ATAD2: variants seen among roughly 807,000 people sequenced by gnomAD.
ATAD2 encodes the protein ATPase family AAA domain-containing protein 2.
A neutral mutation model predicts 168.9 loss-of-function variants in ATAD2; 62 were observed. The observed-to-expected ratio is 0.37, with a 90% CI of 0.30 to 0.45. ATAD2 has a LOEUF of 0.45. ATAD2 is among the 20% of genes least tolerant of loss of function. ATAD2 has a pLI of 1.00. For missense variants in ATAD2, 1,419 were observed against 1,667.8 expected (o/e 0.85, Z 2.60); for synonymous variants, 613 against 571.6 (o/e 1.07, Z -1.03).
intron 1 of ATAD2, among the ~76,000 whole-genome samples, chr8:123,408,051 T>G (rs547599292): frequency 6.6e-6 from 1 of 152,332 alleles, no homozygotes; most frequent in African/African-American, 2.4e-5. Context: ...AAACATTAAT[T>G]TGGACTGGGA....
chr8:123,377,041 C>T (rs1416502091), intron 2 of ATAD2, among the ~76,000 whole-genome samples: 1 of 141,768 alleles, frequency 7.1e-6, no homozygotes, highest in Non-Finnish European at 1.5e-5. Context: ...CAGTGAGCCA[C>T]GATTGCGCCA....
At chr8:123,404,843 C>A (rs572978042) in intron 1 of ATAD2, among the ~76,000 whole-genome samples, 13 of 152,246 alleles carry the variant, frequency 8.5e-5, no homozygotes, top group Admixed American at 7.2e-4. Flanking sequence ...CCCAGCCCCC[C>A]CTTTCTCTCA....
At chr8:123,324,978 G>A (rs1827568979) in intron 26 of ATAD2, among the ~76,000 whole-genome samples, 1 of 151,924 alleles carries the variant, frequency 6.6e-6, no homozygotes, top group Non-Finnish European at 1.5e-5. Flanking sequence ...GGGAGGCTGA[G>A]GTGGGAGGAT....
chr8:123,358,621 C>T (rs997817400), intron 11 of ATAD2, among the ~76,000 whole-genome samples: 2 of 151,722 alleles, frequency 1.3e-5, no homozygotes, highest in Non-Finnish European at 2.9e-5. Flanking sequence ...GCTGGGATTA[C>T]AGGCATAAGC....
chr8:123,342,631 TTAAC>T (rs1462579006), intron 19 of ATAD2: 1 of 152,208 alleles, frequency 6.6e-6, no homozygotes, highest in African/African-American at 2.4e-5. Context: ...AACTAGATAA[TTAAC>T]TAAACTGGAA....
intron 1 of ATAD2, among the ~76,000 whole-genome samples, chr8:123,395,566 CAA>C (rs1172069137): frequency 2.0e-5 from 3 of 152,192 alleles, no homozygotes; most frequent in African/African-American, 7.2e-5. Flanking sequence ...CTTCATCTGT[CAA>C]AGAGATAGCA....
chr8:123,384,446 T>C (rs1190656064), intron 1 of ATAD2, among the ~76,000 whole-genome samples: 2 of 152,236 alleles, frequency 1.3e-5, no homozygotes. Flanking sequence ...AGATTTTTCA[T>C]GGTCATTGAT....
At chr8:123,400,341 C>T (rs1038560428), upstream of ATAD2, among the ~76,000 whole-genome samples, 2 of 152,256 alleles carry the variant, frequency 1.3e-5, no homozygotes, top group East Asian at 1.9e-4. The surrounding 1 kb of genome is among the most constrained non-coding windows in gnomAD (Gnocchi z 4.5). Flanking sequence ...GCTTCCAGAA[C>T]TTCAAAGATA....
Position 123,334,184 on chromosome 8 carries a change from C to G in ATAD2, c.3334+16G>C. 6.4e-7 allele frequency: 1 copy of G among 1,568,688 alleles called. No individual in the cohort carries two copies. The highest frequency in any genetic ancestry group is 8.6e-7 in the Non-Finnish European group (1 of 1,164,716). On this transcript the variant is annotated intron_variant, in intron 23 of 27. Transcript: ENST00000287394. ...TAATATTAGGTTGGTACAAATCAACCAAATCACTTTCCTACCTCTTTTCTT... is the reference window on the plus strand; with the variant it reads ...TAATATTAGGTTGGTACAAATCAACGAAATCACTTTCCTACCTCTTTTCTT...
chr8:123,382,860 A>T (rs1829530900), intron 1 of ATAD2, among the ~76,000 whole-genome samples: 1 of 152,214 alleles, frequency 6.6e-6, no homozygotes, highest in Non-Finnish European at 1.5e-5. Flanking sequence ...TACCCAAGGG[A>T]TTATAAATCA....
intron 19 of ATAD2, among the ~76,000 whole-genome samples, chr8:123,339,743 T>C (rs1828014294): frequency 1.3e-5 from 2 of 152,178 alleles, no homozygotes; most frequent in African/African-American, 4.8e-5. Flanking sequence ...ACAAGCTAAA[T>C]TGTATATTTT....
Position 123,401,987 on chromosome 8 carries a change from A to G in ATAD2, c.-2281-812T>C, listed in dbSNP as rs1813009354. On this transcript the variant is annotated intron_variant, in intron 1 of 28. Transcript: ENST00000521903. ...TGGCTGCCAGGATATCAGGGCCCGCAGCCTGTCTGTCCTTTGGTCCATGAT... is the reference window on the plus strand; with the variant it reads ...TGGCTGCCAGGATATCAGGGCCCGCGGCCTGTCTGTCCTTTGGTCCATGAT... 6.9e-6 allele frequency: 8 copies of G among 1,158,240 alleles called. 1 individual carries two copies. The Admixed American group carries it at 1.4e-4, about 20-fold the overall frequency. 71.7% of individuals were successfully genotyped at this position (1,158,240 alleles called of 1,614,324 possible).
intron 19 of ATAD2, among the ~76,000 whole-genome samples, chr8:123,340,408 G>A (rs1384134096): frequency 6.6e-6 from 1 of 152,100 alleles, no homozygotes; most frequent in Non-Finnish European, 1.5e-5. Flanking sequence ...CAATTTGGTG[G>A]TTTCTCAAAG....
chr8:123,347,547 C>T, intron 15 of ATAD2, 141 bp from the exon 16 acceptor site: 2 of 836,796 alleles, frequency 2.4e-6, no homozygotes, highest in Non-Finnish European at 3.6e-6. Context: ...AGTAATAAGA[C>T]CAAAATCTCT....
chr8:123,349,893 T>C (rs1828393293), intron 13 of ATAD2, among the ~76,000 whole-genome samples: 1 of 147,896 alleles, frequency 6.8e-6, no homozygotes, highest in Admixed American at 6.8e-5. Flanking sequence ...AAAAAAAAAT[T>C]AGCCAGCATG....
At position 123,325,958 on chromosome 8, in the gene ATAD2, C is replaced by T. The variant is rs1274177720; in HGVS notation, c.3937G>A (p.Glu1313Lys). The T allele has an allele frequency of 6.2e-7, 1 of 1,613,984 alleles. No homozygotes were observed. Among genetic ancestry groups the T allele is most frequent in the Non-Finnish European group, 8.5e-7 (1 of 1,179,992 alleles). ...QVEQQQLITV[E>K]KALAILSQPT... Reference sequence around the variant, plus strand: ...TGAGAAAGAATTGCCAAAGCCTTTTCAACAGTGATGAGCTGCTGCTGTTCT... The same window carrying T: ...TGAGAAAGAATTGCCAAAGCCTTTTTAACAGTGATGAGCTGCTGCTGTTCT... Residue 1313 changes from glutamate to lysine, a missense_variant, in exon 26 of 28, where the codon GAA becomes AAA. This residue lies in a region of ATAD2 where 303 missense variants were observed against 304.3 expected (regional missense o/e 1.00). Coordinates refer to ENST00000287394, the MANE Select transcript of ATAD2 (RefSeq NM_014109.4).
chr8:123,389,011 C>T (rs551954099), intron 1 of ATAD2, among the ~76,000 whole-genome samples: 4 of 150,620 alleles, frequency 2.7e-5, no homozygotes, highest in Non-Finnish European at 4.4e-5. Flanking sequence ...CTGTCGCCCA[C>T]GCTGAAGTGC....
intron 1 of ATAD2, among the ~76,000 whole-genome samples, chr8:123,410,891 T>C (rs1235015722): frequency 6.6e-6 from 1 of 152,248 alleles, no homozygotes; most frequent in Non-Finnish European, 1.5e-5. Context: ...GGCTAAAGGC[T>C]TGCCATTGTT....
intron 24 of ATAD2, among the ~76,000 whole-genome samples, chr8:123,333,577 C>T (rs542973139): frequency 3.8e-4 from 58 of 152,244 alleles, no homozygotes; most frequent in Non-Finnish European, 6.5e-4. Flanking sequence ...GAAAACCCTA[C>T]AGGCTTTGAA....
Sources: allele counts gnomAD v4.1 joint callset (sites outside exome capture counted in the v4.1 genomes callset), GRCh38; gene constraint gnomAD v4.1.1; regional missense constraint gnomAD v4.1.1; non-coding constraint Gnocchi (gnomAD v3.1); transcripts MANE v1.5; gene names NCBI Gene and HGNC (gene_info 2026-07-23, HGNC 2026-07-21).